The following SPPL2A variants were observed in gnomAD, a reference collection of about 807,000 sequenced individuals.
SPPL2A encodes the protein signal peptide peptidase-like 2A.
In SPPL2A, 51 loss-of-function variants were observed where a neutral mutation model predicts 63.8. The observed-to-expected ratio is 0.80, with a 90% CI of 0.64 to 1.01. The LOEUF (loss-of-function observed/expected upper bound fraction) is 1.01. Among genes scored for constraint, SPPL2A ranks in the 50% least tolerant of loss-of-function variants. The pLI, the probability that SPPL2A is intolerant of heterozygous loss-of-function variation, is 0.00. For missense variants in SPPL2A, 553 were observed against 622.7 expected (o/e 0.89, Z 1.19); for synonymous variants, 188 against 205.8 (o/e 0.91, Z 0.74).
chr15:50,759,722 G>T (rs577636833), intron 1 of SPPL2A, among the ~76,000 whole-genome samples: 2 of 150,412 alleles, frequency 1.3e-5, no homozygotes, highest in South Asian at 2.1e-4. Flanking sequence ...TAGCCTGGGC[G>T]ACAGAACGAG....
chr15:50,759,582 A>G (rs1189832258), intron 1 of SPPL2A, among the ~76,000 whole-genome samples: 1 of 152,124 alleles, frequency 6.6e-6, no homozygotes, highest in Non-Finnish European at 1.5e-5. Flanking sequence ...TCTCTACTAA[A>G]AACATAAAAA....
intron 9 of SPPL2A, among the ~76,000 whole-genome samples, chr15:50,732,089 T>C (rs1235744204): frequency 6.6e-6 from 1 of 151,904 alleles, no homozygotes; most frequent in Non-Finnish European, 1.5e-5. Context: ...CCCCTATCTC[T>C]ACAAAACCAA....
chr15:50,719,577 C>A (rs2062627861), intron 14 of SPPL2A, among the ~76,000 whole-genome samples: 1 of 152,170 alleles, frequency 6.6e-6, no homozygotes, highest in Admixed American at 6.6e-5. Flanking sequence ...AACCTTAGGA[C>A]TCTTACTACA....
intron 14 of SPPL2A, among the ~76,000 whole-genome samples, chr15:50,717,849 G>T (rs2062609158): frequency 6.6e-6 from 1 of 151,708 alleles, no homozygotes; most frequent in Non-Finnish European, 1.5e-5. Context: ...ACTCTTTCCT[G>T]AAACCACAAG....
At chr15:50,760,951 G>A (rs1301526649) in intron 1 of SPPL2A, among the ~76,000 whole-genome samples, 1 of 151,964 alleles carries the variant, frequency 6.6e-6, no homozygotes, top group South Asian at 2.1e-4. Flanking sequence ...GCAGCTATAT[G>A]CTACTTCAAA....
chr15:50,719,205 A>G (rs12911753), intron 14 of SPPL2A, among the ~76,000 whole-genome samples: 15,666 of 152,230 alleles, frequency 0.1, 917 homozygotes, highest in South Asian at 0.15. Context: ...TCTCAAATGA[A>G]TGCCCTATCT....
At chr15:50,713,950 C>T (rs1038509375) in intron 14 of SPPL2A, among the ~76,000 whole-genome samples, 1 of 152,096 alleles carries the variant, frequency 6.6e-6, no homozygotes, top group African/African-American at 2.4e-5. Context: ...AGGTTGTTAT[C>T]CCATTTTACT....
rs549959331 is a variant in SPPL2A at position 50,722,677 on chromosome 15, G to T, written c.1250-476C>A. Among the ~76,000 whole-genome samples, 13 of 152,158 alleles carry T rather than the reference G, an allele frequency of 8.5e-5. No homozygotes were observed. In the South Asian group the frequency reaches 2.7e-3, roughly 32 times the overall value. On this transcript the variant is annotated intron_variant, in intron 12 of 14. Transcript: ENST00000261854. ...TCATCATGTTGGTCAGGGTGGTCTC[G>T]ATCTCCTGACCTCGTGATCCACTGG...
intron 6 of SPPL2A, among the ~76,000 whole-genome samples, 152 bp downstream of exon 6, chr15:50,739,526 CCT>C (rs1184565558): frequency 6.6e-6 from 1 of 151,694 alleles, no homozygotes; most frequent in Non-Finnish European, 1.5e-5. Flanking sequence ...GTAACAGAGA[CCT>C]AACACTCTGA....
At chr15:50,737,138 C>A (rs1301539499) in intron 6 of SPPL2A, among the ~76,000 whole-genome samples, 1 of 152,014 alleles carries the variant, frequency 6.6e-6, no homozygotes, top group Non-Finnish European at 1.5e-5. Flanking sequence ...TCTCAAAGTC[C>A]CGACCTCAGG....
chr15:50,746,506 C>A (rs551541437), intron 5 of SPPL2A, among the ~76,000 whole-genome samples: 7 of 149,450 alleles, frequency 4.7e-5, no homozygotes, highest in Non-Finnish European at 4.4e-5. Flanking sequence ...GACTAGCTTG[C>A]GGCTAATTAT....
At chr15:50,714,351 G>T (rs1362612094) in intron 14 of SPPL2A, among the ~76,000 whole-genome samples, 2 of 152,252 alleles carry the variant, frequency 1.3e-5, no homozygotes, top group East Asian at 3.9e-4. Flanking sequence ...TTTTTCTCAG[G>T]CCAGGAATGG....
chr15:50,709,576 G>A (rs1327522931), intron 14 of SPPL2A, among the ~76,000 whole-genome samples: 1 of 152,120 alleles, frequency 6.6e-6, no homozygotes, highest in Non-Finnish European at 1.5e-5. Context: ...TGGATCACGA[G>A]GTCAGGAGTT....
At chr15:50,747,398 G>A (rs1447665343) in intron 5 of SPPL2A, 97 bp downstream of exon 5, 1 of 1,010,196 alleles carries the variant, frequency 9.9e-7, no homozygotes, top group African/African-American at 1.6e-5. Flanking sequence ...ATCATATTCT[G>A]AGGGCAGATA....
In SPPL2A at chr15:50,717,373, A is replaced by C. The variant is rs1464387287; in HGVS notation, c.1488+2567T>G. Among the ~76,000 whole-genome samples, 4 of 151,970 alleles carry C rather than the reference A, an allele frequency of 2.6e-5. No individual in the cohort carries two copies. The East Asian group carries it at 5.8e-4, about 22-fold the overall frequency. On this transcript the variant is annotated intron_variant, in intron 14 of 14. Transcript: ENST00000261854. Reference sequence around the variant, plus strand: ...CTTTTTTGTAGAGACAGGGTCTCACATGTTGCCCAGGCTGCTCTCAAACTC... The same window carrying C: ...CTTTTTTGTAGAGACAGGGTCTCACCTGTTGCCCAGGCTGCTCTCAAACTC...
At chr15:50,759,355 A>C (rs2062989220) in intron 1 of SPPL2A, among the ~76,000 whole-genome samples, 2 of 152,152 alleles carry the variant, frequency 1.3e-5, no homozygotes, top group South Asian at 4.1e-4. Flanking sequence ...CCGAGGTAGG[A>C]GGACTGTTTG....
In SPPL2A at chr15:50,731,876, C is replaced by T. The variant is rs565743875; in HGVS notation, c.1014+727G>A. Among the ~76,000 whole-genome samples the T allele has an allele frequency of 3.2e-4, 44 of 136,400 alleles. 1 individual carries two copies. Among genetic ancestry groups the T allele is most frequent in the Admixed American group, 9.6e-4 (12 of 12,448 alleles). 89.5% of individuals were successfully genotyped at this position (136,400 alleles called of 152,430 possible). A position where few individuals can be genotyped will look rare whatever the true frequency, so the allele number is the denominator to read the frequency against. ...TCAGAAGGCGGAGGCTGCAGTGAGC[C>T]GAGATCACACCACTGCACTCCAGCC... On this transcript the variant is annotated intron_variant, in intron 9 of 14. Coordinates refer to ENST00000261854, the MANE Select transcript of SPPL2A (RefSeq NM_032802.4).
intron 14 of SPPL2A, among the ~76,000 whole-genome samples, chr15:50,719,443 C>T (rs1461128929): frequency 6.6e-6 from 1 of 152,064 alleles, no homozygotes; most frequent in Non-Finnish European, 1.5e-5. Flanking sequence ...ACGGGTTTCA[C>T]CATGTTGGCC....
At chr15:50,755,906 C>G (rs1025964245) in intron 1 of SPPL2A, among the ~76,000 whole-genome samples, 1 of 152,008 alleles carries the variant, frequency 6.6e-6, no homozygotes, top group Non-Finnish European at 1.5e-5. Flanking sequence ...AGTTATCAGC[C>G]ACCACGCTTG....
Sources: allele counts gnomAD v4.1 joint callset (sites outside exome capture counted in the v4.1 genomes callset), GRCh38; gene constraint gnomAD v4.1.1; transcripts MANE v1.5; gene names NCBI Gene and HGNC (gene_info 2026-07-23, HGNC 2026-07-21).